Variants in NRXN3 observed in about 807,000 individuals in gnomAD.
NRXN3 encodes the protein neurexin III.
A neutral mutation model predicts 137.6 loss-of-function variants in NRXN3; 32 were observed. The observed-to-expected ratio is 0.23, with a 90% confidence interval of 0.18 to 0.31. The LOEUF is 0.31. Ranked by LOEUF, NRXN3 falls within the 10% of genes least tolerant of loss-of-function variation. The pLI is 1.00. For missense variants in NRXN3, 1,574 were observed against 2,062.5 expected, an observed-to-expected ratio of 0.76 and a Z score of 4.59; for synonymous variants, 798 against 784.5, an observed-to-expected ratio of 1.02 and a Z score of -0.29.
intron 20 of NRXN3, among the ~76,000 whole-genome samples, chr14:79,859,635 G>C (rs1292916345): frequency 2.6e-5 from 4 of 152,104 alleles, no homozygotes; most frequent in Admixed American, 2.6e-4. Flanking sequence ...TTACTGATGA[G>C]GTGGGTACCT....
intron 4 of NRXN3, among the ~76,000 whole-genome samples, chr14:78,322,379 C>G (rs1055072495): frequency 6.6e-6 from 1 of 151,960 alleles, no homozygotes; most frequent in Non-Finnish European, 1.5e-5. Context: ...CATCCTTTGC[C>G]TTGCTCTTGC....
intron 1 of NRXN3, among the ~76,000 whole-genome samples, chr14:78,178,550 TG>T (rs2059482769): frequency 1.3e-5 from 2 of 152,328 alleles, no homozygotes; most frequent in South Asian, 4.1e-4. Context: ...TATTTGTCTC[TG>T]CTTTGCTGTG....
intron 15 of NRXN3, among the ~76,000 whole-genome samples, chr14:79,401,443 AC>A (rs912614603): frequency 6.6e-6 from 1 of 152,168 alleles, no homozygotes; most frequent in Non-Finnish European, 1.5e-5. Flanking sequence ...AGAAACTCTG[AC>A]GTGGGGCCTG....
At chr14:78,428,705 G>A (rs8020758) in intron 4 of NRXN3, among the ~76,000 whole-genome samples, 17,426 of 152,130 alleles carry the variant, frequency 0.11, 1,412 homozygotes, top group African/African-American at 0.22. Flanking sequence ...CTAAAGACTG[G>A]CAGGTCTGAG....
At position 79,865,253 on chromosome 14, in the gene NRXN3, A is replaced by G. The variant is rs898265652; in HGVS notation, c.*3289A>G. The stretch of plus-strand genomic sequence containing the variant: ...AAACCAAAATTTAAATGAGTTCTTC[A>G]ATTTTAACAGCTTCTTACAAGAATT... On this transcript the variant is annotated 3_prime_UTR_variant, in exon 21 of 21. Transcript: ENST00000335750. 3.3e-5 allele frequency: 5 copies of G among 152,200 alleles called. No homozygotes were observed. Among genetic ancestry groups the G allele is most frequent in the Non-Finnish European group, 5.9e-5 (4 of 68,038 alleles). 9.4% of individuals were successfully genotyped at this position (152,200 alleles called of 1,614,324 possible).
intron 1 of NRXN3, among the ~76,000 whole-genome samples, chr14:78,224,522 G>A (rs1345685266): frequency 6.6e-6 from 1 of 151,910 alleles, no homozygotes; most frequent in Non-Finnish European, 1.5e-5. Context: ...GAGAACATGA[G>A]GTGTTTGGTT....
At chr14:78,754,649 G>A (rs914522268) in intron 8 of NRXN3, among the ~76,000 whole-genome samples, 2 of 152,102 alleles carry the variant, frequency 1.3e-5, no homozygotes, top group Non-Finnish European at 2.9e-5. Flanking sequence ...TTCAAAGTGC[G>A]ACTGCCACAC....
chr14:79,491,301 A>G (rs1411447047), intron 16 of NRXN3, among the ~76,000 whole-genome samples: 3 of 152,140 alleles, frequency 2.0e-5, no homozygotes, highest in African/African-American at 7.2e-5. Context: ...TGCCTACACA[A>G]TCTGCTCAGT....
At chr14:79,333,980 C>T (rs2092022812) in intron 15 of NRXN3, among the ~76,000 whole-genome samples, 1 of 152,126 alleles carries the variant, frequency 6.6e-6, no homozygotes, top group Non-Finnish European at 1.5e-5. Context: ...GCTGCACTTC[C>T]AGTGTAGTTC....
intron 4 of NRXN3, among the ~76,000 whole-genome samples, chr14:78,451,765 C>T (rs2094557254): frequency 6.6e-6 from 1 of 152,192 alleles, no homozygotes; most frequent in Admixed American, 6.5e-5. Context: ...GCATTTTATG[C>T]AGGATGGCAT....
chr14:78,644,801 A>G (rs1180461558), intron 4 of NRXN3, among the ~76,000 whole-genome samples: 1 of 152,234 alleles, frequency 6.6e-6, no homozygotes, highest in Non-Finnish European at 1.5e-5. Context: ...AAGCAACTCG[A>G]GCCTCACTTG....
At chr14:78,536,727 A>C (rs2096539546) in intron 4 of NRXN3, among the ~76,000 whole-genome samples, 1 of 151,906 alleles carries the variant, frequency 6.6e-6, no homozygotes, top group Non-Finnish European at 1.5e-5. Flanking sequence ...CATTTACATT[A>C]GGTATTTCTC....
At chr14:78,596,042 G>C (rs2097155448) in intron 4 of NRXN3, among the ~76,000 whole-genome samples, 1 of 152,054 alleles carries the variant, frequency 6.6e-6, no homozygotes, top group South Asian at 2.1e-4. Context: ...AATGTTCTAC[G>C]ACGCACATGA....
intron 15 of NRXN3, among the ~76,000 whole-genome samples, chr14:79,091,828 G>C (rs1250492313): frequency 6.6e-6 from 1 of 151,800 alleles, no homozygotes; most frequent in East Asian, 1.9e-4. Flanking sequence ...AGGGAGAACT[G>C]TTTGTTCCAG....
In NRXN3 at chr14:78,297,289, A is replaced by G. The variant is rs569343442; in HGVS notation, c.728-542A>G. The stretch of plus-strand genomic sequence containing the variant: ...TATTTGATACATTCCATATGATTCA[A>G]TTTTTGTAGAAAAGACTATCTAGAG... On this transcript the variant is annotated intron_variant, in intron 3 of 20. Transcript: ENST00000335750. Among the ~76,000 whole-genome samples, 11 of 152,270 alleles carry G rather than the reference A, an allele frequency of 7.2e-5. No individual in the cohort carries two copies. In the East Asian group the frequency reaches 1.9e-3, roughly 27 times the overall value.
chr14:79,616,953 C>T (rs879601729), intron 16 of NRXN3, among the ~76,000 whole-genome samples: 8 of 152,106 alleles, frequency 5.3e-5, no homozygotes, highest in African/African-American at 9.7e-5. Context: ...AAATAGTAGC[C>T]GACCTCTTCC....
At chr14:79,294,212 C>G (rs1002529857) in intron 15 of NRXN3, among the ~76,000 whole-genome samples, 11 of 152,196 alleles carry the variant, frequency 7.2e-5, no homozygotes, top group Non-Finnish European at 1.6e-4. Context: ...AGCATATTTT[C>G]TCGCACACAT....
chr14:79,534,457 GA>G (rs2097194648), intron 16 of NRXN3, among the ~76,000 whole-genome samples: 1 of 152,122 alleles, frequency 6.6e-6, no homozygotes, highest in South Asian at 2.1e-4. Flanking sequence ...TATATCTATA[GA>G]ACAAATAAAC....
At chr14:78,931,624 A>C (rs2099322219) in intron 10 of NRXN3, among the ~76,000 whole-genome samples, 1 of 152,200 alleles carries the variant, frequency 6.6e-6, no homozygotes, top group African/African-American at 2.4e-5. Context: ...TTTACCTAAA[A>C]GGGCAAAAGT....
Sources: gnomAD v4.1 joint callset for allele counts (sites outside exome capture counted in the v4.1 genomes callset) on GRCh38, gnomAD v4.1.1 for gene constraint, MANE v1.5 for transcripts, NCBI Gene and HGNC (gene_info 2026-07-23, HGNC 2026-07-21) for gene names.